Variants in CCSER2 observed in about 807,000 individuals in gnomAD.
The protein encoded by CCSER2 is serine-rich coiled-coil domain-containing protein 2.
Under a neutral mutation model 92.3 loss-of-function variants are expected in CCSER2, and 46 were observed. That is an observed-to-expected ratio of 0.50 (90% CI 0.39 to 0.64). The LOEUF (loss-of-function observed/expected upper bound fraction) is 0.64. Ranked by LOEUF, CCSER2 falls within the 30% of genes least tolerant of loss-of-function variation. The pLI, the probability that CCSER2 is intolerant of heterozygous loss-of-function variation, is 0.00. For missense variants in CCSER2, 1,244 were observed against 1,238.9 expected (o/e 1.00, Z -0.06); for synonymous variants, 433 against 431.4 (o/e 1.00, Z -0.04).
intron 9 of CCSER2, among the ~76,000 whole-genome samples, chr10:84,505,473 A>C (rs957815271): frequency 1.1e-4 from 17 of 152,272 alleles, no homozygotes; most frequent in Middle Eastern, 3.4e-3. Context: ...ATTGACTCTA[A>C]TGTGTGACTA....
chr10:84,432,174 G>A (rs1459019347), intron 5 of CCSER2, among the ~76,000 whole-genome samples: 1 of 152,162 alleles, frequency 6.6e-6, no homozygotes, highest in Non-Finnish European at 1.5e-5. Flanking sequence ...TTTCTCACAT[G>A]CTTATTTGCC....
chr10:84,491,153 G>C (rs1021078217), intron 9 of CCSER2, among the ~76,000 whole-genome samples: 4 of 152,168 alleles, frequency 2.6e-5, no homozygotes, highest in Admixed American at 1.3e-4. Flanking sequence ...TGCCCCTACT[G>C]GGGGGTGCCT....
rs1455426623 is a variant in CCSER2, at chr10:84,392,252, CAT to C, written c.1614+18438_1614+18439del. On this transcript the variant is annotated intron_variant, in intron 3 of 9. Coordinates refer to ENST00000372088, the MANE Select transcript of CCSER2 (RefSeq NM_001284240.2). ...AGGTTGATGTTGGGAAACGTTTTAA[CAT>C]GTGGAGCCTTTGTGGGTTGAAATAT... Among the ~76,000 whole-genome samples, 4 of 136,636 alleles carry C rather than the reference CAT, an allele frequency of 2.9e-5. 1 individual carries two copies. Among genetic ancestry groups the C allele is most frequent in the South Asian group, 4.8e-4 (2 of 4,178 alleles). The allele number at this position is 136,636 out of a possible 152,430, so 89.6% of individuals were successfully genotyped here.
intron 6 of CCSER2, among the ~76,000 whole-genome samples, chr10:84,449,702 A>C (rs1162586467): frequency 6.6e-6 from 1 of 152,048 alleles, no homozygotes. Flanking sequence ...TAAAAATACA[A>C]AATTAGCTGA....
intron 1 of CCSER2, among the ~76,000 whole-genome samples, chr10:84,358,441 G>T (rs1283289448): frequency 6.6e-6 from 1 of 151,958 alleles, no homozygotes; most frequent in African/African-American, 2.4e-5. Flanking sequence ...GGAATGATGG[G>T]TGGAATCACC....
At chr10:84,369,132 A>G (rs1388368463) in intron 1 of CCSER2, among the ~76,000 whole-genome samples, 1 of 148,444 alleles carries the variant, frequency 6.7e-6, no homozygotes, top group Non-Finnish European at 1.5e-5. Context: ...TGTGATAAAC[A>G]TACATATGCA....
chr10:84,385,920 A>G (rs939808830), intron 3 of CCSER2, among the ~76,000 whole-genome samples: 3 of 152,166 alleles, frequency 2.0e-5, no homozygotes, highest in Admixed American at 1.3e-4. Context: ...AAAATGGGCA[A>G]AGGATATGAA....
intron 4 of CCSER2, among the ~76,000 whole-genome samples, chr10:84,424,396 G>A (rs1192633364): frequency 6.6e-6 from 1 of 151,934 alleles, no homozygotes; most frequent in Non-Finnish European, 1.5e-5. Flanking sequence ...ATTATTAAAT[G>A]TATATTTCTT....
intron 1 of CCSER2, among the ~76,000 whole-genome samples, chr10:84,362,134 C>G (rs939308044): frequency 6.6e-6 from 1 of 152,108 alleles, no homozygotes; most frequent in African/African-American, 2.4e-5. Context: ...TAATGTTACT[C>G]CTGTTACTGT....
intron 2 of CCSER2, 97 bp from the exon 3 acceptor site, chr10:84,373,522 T>C: frequency 1.1e-6 from 1 of 945,422 alleles, no homozygotes; most frequent in South Asian, 1.8e-5. Flanking sequence ...TTGAGCCAGC[T>C]TTTTTGCTAT....
intron 1 of CCSER2, among the ~76,000 whole-genome samples, chr10:84,363,511 C>T (rs1413569385): frequency 1.3e-5 from 2 of 152,108 alleles, no homozygotes; most frequent in Admixed American, 1.3e-4. Flanking sequence ...CAGTTAATTG[C>T]TCTTGTACTT....
intron 3 of CCSER2, among the ~76,000 whole-genome samples, chr10:84,386,437 C>T (rs1841210513): frequency 6.6e-6 from 1 of 152,212 alleles, no homozygotes; most frequent in South Asian, 2.1e-4. Flanking sequence ...GAAACTGAGA[C>T]TGGGCCTAGT....
At chr10:84,370,761 T>G (rs978768559) in intron 1 of CCSER2, among the ~76,000 whole-genome samples, 4 of 152,176 alleles carry the variant, frequency 2.6e-5, no homozygotes, top group African/African-American at 7.2e-5. Flanking sequence ...TTTGGTGGTT[T>G]AATTTTATTT....
chr10:84,517,930 A>G lies in CCSER2; in HGVS notation c.*3663A>G, dbSNP rs984692992. ...CCGAACAGGCTTGCAATTAAGATCA[A>G]TAAGGCTGCAGCACCATTTCAATTT... On this transcript the variant is annotated 3_prime_UTR_variant, in exon 10 of 10. Coordinates refer to ENST00000372088, the MANE Select transcript of CCSER2 (RefSeq NM_001284240.2). 3.9e-5 allele frequency: 6 copies of G among 152,368 alleles called. No homozygotes were observed. The highest frequency in any genetic ancestry group is 7.3e-5 in the Non-Finnish European group (5 of 68,044). 9.4% of individuals were successfully genotyped at this position (152,368 alleles called of 1,614,324 possible). A position where few individuals can be genotyped will look rare whatever the true frequency, so the allele number is the denominator to read the frequency against.
intron 4 of CCSER2, among the ~76,000 whole-genome samples, chr10:84,424,715 A>G (rs1244969265): frequency 2.0e-5 from 3 of 152,086 alleles, no homozygotes; most frequent in Admixed American, 6.5e-5. Context: ...TTTTATTACA[A>G]GGAATTCTGA....
chr10:84,396,185 CTGTGTGTGTGTGTG>C (rs11467455), intron 3 of CCSER2, among the ~76,000 whole-genome samples: 8 of 145,740 alleles, frequency 5.5e-5, no homozygotes, highest in African/African-American at 7.5e-5. Context: ...TTATTCAACA[CTGTGTGTGTGTGTG>C]TGTGTGTGTG....
In CCSER2 at chr10:84,517,314, A is replaced by C. The variant is rs2131900324; in HGVS notation, c.*3047A>C. On this transcript the variant is annotated 3_prime_UTR_variant, in exon 10 of 10. Coordinates refer to ENST00000372088, the MANE Select transcript of CCSER2 (RefSeq NM_001284240.2). ...AAGGAGTTTATTGGTACAGGTGCAG[A>C]TGATTTTAAGGCATTAAAGGATTAT... The C allele has an allele frequency of 6.5e-6, 1 of 152,774 alleles. No individual in the cohort carries two copies. Among genetic ancestry groups the C allele is most frequent in the East Asian group, 1.9e-4 (1 of 5,186 alleles). 9.5% of individuals were successfully genotyped at this position (152,774 alleles called of 1,614,324 possible).
At chr10:84,506,709 C>T (rs982171444) in intron 9 of CCSER2, among the ~76,000 whole-genome samples, 2 of 151,996 alleles carry the variant, frequency 1.3e-5, no homozygotes, top group African/African-American at 4.8e-5. Flanking sequence ...CAAGGAGAAT[C>T]GCTTGAACCT....
At chr10:84,340,764 G>A (rs1190314640) in intron 1 of CCSER2, among the ~76,000 whole-genome samples, 1 of 151,692 alleles carries the variant, frequency 6.6e-6, no homozygotes, top group African/African-American at 2.4e-5. Flanking sequence ...CATCTTACAA[G>A]TTATTTAGGT....
Sources: allele counts gnomAD v4.1 joint callset (sites outside exome capture counted in the v4.1 genomes callset), GRCh38; gene constraint gnomAD v4.1.1; transcripts MANE v1.5; gene names NCBI Gene and HGNC (gene_info 2026-07-23, HGNC 2026-07-21).